The following ZNF536 variants were observed in gnomAD, a reference collection of about 807,000 sequenced individuals.
ZNF536 encodes zinc finger protein 536.
ZNF536 carries 13 observed loss-of-function variants against 84.5 expected under a neutral mutation model. The ratio of observed to expected loss-of-function variants is 0.15; its 90% CI spans 0.10 to 0.24. The LOEUF is 0.24. ZNF536 is among the 10% of genes least tolerant of loss of function. The pLI, the probability that ZNF536 is intolerant of heterozygous loss-of-function variation, is 1.00. For synonymous variants in ZNF536, 811 were observed against 742.5 expected (o/e 1.09, Z -1.50); for missense variants, 1,536 against 1,747.5 (o/e 0.88, Z 2.16).
chr19:30,601,193 G>A (rs1238866756), intron 1 of ZNF536, among the ~76,000 whole-genome samples: 1 of 152,162 alleles, frequency 6.6e-6, no homozygotes, highest in African/African-American at 2.4e-5. Flanking sequence ...GGGAAACTGA[G>A]GACTAGACAG....
At chr19:30,596,959 TG>T (rs1667979989) in intron 1 of ZNF536, among the ~76,000 whole-genome samples, 1 of 152,176 alleles carries the variant, frequency 6.6e-6, no homozygotes, top group Admixed American at 6.5e-5. Flanking sequence ...CATCGCTTTC[TG>T]GGGCTGTTTT....
chr19:30,545,825 C>G (rs918139008), intron 3 of ZNF536, among the ~76,000 whole-genome samples: 1 of 152,214 alleles, frequency 6.6e-6, no homozygotes, highest in African/African-American at 2.4e-5. Context: ...CACCTTCCCC[C>G]TCTTTAGCTC....
rs370035946 is a variant in ZNF536, at chr19:30,598,313, G to T, written c.169+48799G>T. Among the ~76,000 whole-genome samples the T allele has an allele frequency of 7.2e-5, 11 of 152,244 alleles. No homozygotes were observed. In the South Asian group the frequency reaches 1.9e-3, roughly 26 times the overall value. On this transcript the variant is annotated intron_variant, in intron 1 of 1. Transcript: ENST00000592773. Reference sequence around the variant, plus strand: ...AGAAGCTGCAGTTTTGCTGTAACATGCCCTTGTCTTCCCTAACTTACCTTT... The same window carrying T: ...AGAAGCTGCAGTTTTGCTGTAACATTCCCTTGTCTTCCCTAACTTACCTTT...
intron 2 of ZNF536, among the ~76,000 whole-genome samples, chr19:30,496,800 G>C (rs1460032456): frequency 6.6e-6 from 1 of 152,030 alleles, no homozygotes; most frequent in Non-Finnish European, 1.5e-5. Flanking sequence ...TTTATGGTGA[G>C]CTAGTCGAGT....
chr19:30,433,651 C>T (rs761276510), intron 1 of ZNF536, among the ~76,000 whole-genome samples: 6 of 152,182 alleles, frequency 3.9e-5, no homozygotes, highest in Admixed American at 2.0e-4. Flanking sequence ...GCATGTGCCA[C>T]CACACCTGGC....
In ZNF536 at chr19:30,305,977, TC is replaced by T. The variant is rs1491212561; in HGVS notation, c.-120+21842del. Among the ~76,000 whole-genome samples the T allele has an allele frequency of 2.6e-5, 4 of 152,272 alleles. No individual in the cohort carries two copies. In the Middle Eastern group the frequency reaches 0.01, roughly 388 times the overall value. Reference sequence around the variant, plus strand: ...TGACAGAGGGTCACATCGGTTTTTTTCCCCCCTCCAAATTTTAATATCAGAT... The same window carrying T: ...TGACAGAGGGTCACATCGGTTTTTTTCCCCCTCCAAATTTTAATATCAGAT... On this transcript the variant is annotated intron_variant, in intron 2 of 5. Coordinates refer to the ZNF536 transcript ENST00000585628.
intron 2 of ZNF536, among the ~76,000 whole-genome samples, chr19:30,525,064 G>A (rs143216656): frequency 6.6e-6 from 1 of 152,256 alleles, no homozygotes; most frequent in Non-Finnish European, 1.5e-5. Flanking sequence ...TTTTAACCAG[G>A]AAGGAATTGA....
At chr19:30,537,972 A>G (rs1599732058) in intron 3 of ZNF536, among the ~76,000 whole-genome samples, 1 of 152,256 alleles carries the variant, frequency 6.6e-6, no homozygotes, top group East Asian at 1.9e-4. Context: ...AAATGCTTAC[A>G]CTTGTGCATT....
At chr19:30,564,466 C>G (rs142258542) in intron 1 of ZNF536, among the ~76,000 whole-genome samples, 2 of 151,996 alleles carry the variant, frequency 1.3e-5, no homozygotes, top group African/African-American at 4.8e-5. Flanking sequence ...GGCAGGGAAC[C>G]TTTTCCGAAG....
chr19:30,393,809 T>C (rs1392229468), intron 1 of ZNF536, among the ~76,000 whole-genome samples: 1 of 152,122 alleles, frequency 6.6e-6, no homozygotes, highest in Non-Finnish European at 1.5e-5. Context: ...GAGGCCTTGA[T>C]GAAGGATTTT....
intron 1 of ZNF536, among the ~76,000 whole-genome samples, chr19:30,632,623 C>T (rs1411172698): frequency 7.8e-6 from 1 of 128,042 alleles, no homozygotes; most frequent in African/African-American, 3.0e-5. Context: ...ACCAATCAAC[C>T]AACCAACCAA....
intron 2 of ZNF536, among the ~76,000 whole-genome samples, chr19:30,333,964 T>C (rs1453964703): frequency 2.0e-5 from 3 of 152,180 alleles, no homozygotes; most frequent in African/African-American, 7.2e-5. Context: ...TATGAATCCT[T>C]AATGAGGATA....
chr19:30,441,631 C>A (rs893246855), intron 1 of ZNF536, among the ~76,000 whole-genome samples: 3 of 152,124 alleles, frequency 2.0e-5, no homozygotes, highest in Non-Finnish European at 4.4e-5. Context: ...AAAATGGGCC[C>A]GCGTATTTTA....
At chr19:30,253,552 T>C (rs2024733265) in intron 1 of ZNF536, among the ~76,000 whole-genome samples, 1 of 152,192 alleles carries the variant, frequency 6.6e-6, no homozygotes, top group South Asian at 2.1e-4. Context: ...GTGAATTGTG[T>C]TTCTGCCTTG....
At chr19:30,509,450 A>G (rs2055320246) in intron 2 of ZNF536, among the ~76,000 whole-genome samples, 1 of 148,162 alleles carries the variant, frequency 6.7e-6, no homozygotes, top group South Asian at 2.1e-4. Flanking sequence ...ATAGTATATA[A>G]TTTATATATA....
intron 1 of ZNF536, among the ~76,000 whole-genome samples, chr19:30,672,950 G>T (rs1038624390): frequency 2.0e-5 from 3 of 152,170 alleles, no homozygotes; most frequent in Non-Finnish European, 2.9e-5. Context: ...TCCTGTCTTG[G>T]TTGAGTGTAT....
chr19:30,564,858 G>C (rs558137016), intron 1 of ZNF536, among the ~76,000 whole-genome samples: 20 of 152,340 alleles, frequency 1.3e-4, no homozygotes, highest in African/African-American at 4.3e-4. Flanking sequence ...TGACTCCAAG[G>C]ATTGGAAACG....
At chr19:30,268,091 A>G (rs945241895) in intron 1 of ZNF536, among the ~76,000 whole-genome samples, 4 of 81,564 alleles carry the variant, frequency 4.9e-5, no homozygotes, top group African/African-American at 1.3e-4. Context: ...CCCCCCAGAT[A>G]TATTAGCCAC....
chr19:30,330,867 C>G (rs569761933), intron 2 of ZNF536, among the ~76,000 whole-genome samples: 3 of 152,314 alleles, frequency 2.0e-5, no homozygotes, highest in African/African-American at 7.2e-5. Flanking sequence ...GTTAGGACCT[C>G]TGATTCTCAA....
Sources: allele counts gnomAD v4.1 joint callset (sites outside exome capture counted in the v4.1 genomes callset), GRCh38; gene constraint gnomAD v4.1.1; transcripts MANE v1.5; gene names NCBI Gene and HGNC (gene_info 2026-07-23, HGNC 2026-07-21).